Variants in SYTL3 observed in about 807,000 individuals in gnomAD.
SYTL3 encodes the protein synaptotagmin like 3, also known as synaptotagmin-like protein 3.
In SYTL3, 88 loss-of-function variants were observed where a neutral mutation model predicts 82.1. That is an observed-to-expected ratio of 1.07 (90% confidence interval 0.90 to 1.28). The LOEUF is 1.28. Among genes scored for constraint, SYTL3 ranks in the 50% most tolerant of loss-of-function variants. The pLI is 0.00. For synonymous variants in SYTL3, 311 were observed against 289.4 expected (o/e 1.07, Z -0.76); for missense variants, 831 against 757.6 (o/e 1.10, Z -1.14).
intron 10 of SYTL3, among the ~76,000 whole-genome samples, chr6:158,725,097 A>T (rs1471569354): frequency 6.7e-6 from 1 of 150,140 alleles, no homozygotes; most frequent in Non-Finnish European, 1.5e-5. Flanking sequence ...ACATATTTTG[A>T]TTTTTCCCTT....
At chr6:158,696,695 T>C (rs1279855352) in intron 6 of SYTL3, among the ~76,000 whole-genome samples, 1 of 152,082 alleles carries the variant, frequency 6.6e-6, no homozygotes, top group Non-Finnish European at 1.5e-5. Context: ...TTTGCCTTTT[T>C]TTTTAATTGG....
intron 5 of SYTL3, among the ~76,000 whole-genome samples, chr6:158,679,360 AC>A (rs1230272253): frequency 6.6e-6 from 1 of 151,216 alleles, no homozygotes; most frequent in Non-Finnish European, 1.5e-5. Flanking sequence ...ATAGAATGAG[AC>A]CCTGTCTCAA....
intron 11 of SYTL3, among the ~76,000 whole-genome samples, chr6:158,738,082 C>T (rs1786451420): frequency 6.6e-6 from 1 of 152,200 alleles, no homozygotes. Flanking sequence ...TTTCTACCTG[C>T]ACACCAACAG....
chr6:158,757,733 G>A (rs1365501786), intron 14 of SYTL3, among the ~76,000 whole-genome samples: 1 of 152,226 alleles, frequency 6.6e-6, no homozygotes, highest in Non-Finnish European at 1.5e-5. Context: ...ACCGCCCGCA[G>A]CTATGCGGTC....
intron 6 of SYTL3, among the ~76,000 whole-genome samples, chr6:158,704,598 A>G (rs1212435221): frequency 6.6e-6 from 1 of 152,212 alleles, no homozygotes; most frequent in East Asian, 1.9e-4. Flanking sequence ...ATAAGGGACA[A>G]TTGGTTTGCT....
intron 12 of SYTL3, 121 bp downstream of exon 12, chr6:158,745,779 C>T: frequency 1.2e-6 from 1 of 802,842 alleles, no homozygotes; most frequent in Non-Finnish European, 1.9e-6. Context: ...AAAAGGCTTA[C>T]TTCAAGTATT....
intron 13 of SYTL3, among the ~76,000 whole-genome samples, chr6:158,754,448 T>A (rs3127227): frequency 2.0e-5 from 3 of 152,012 alleles, no homozygotes; most frequent in Non-Finnish European, 4.4e-5. Context: ...AGGCTGGGTG[T>A]GGTGGCTCAC....
At chr6:158,763,199 G>A in intron 16 of SYTL3, 105 bp from the exon 17 acceptor site, 2 of 1,080,744 alleles carry the variant, frequency 1.9e-6, no homozygotes, top group Middle Eastern at 2.9e-4. Flanking sequence ...GGATGTTGTG[G>A]ACTTGGCACT....
chr6:158,738,098 C>T (rs983267781), intron 11 of SYTL3, among the ~76,000 whole-genome samples: 2 of 152,202 alleles, frequency 1.3e-5, no homozygotes, highest in African/African-American at 4.8e-5. Context: ...AACAGCTGCA[C>T]ACCCAAGGAG....
chr6:158,734,647 A>C (rs1785895417), intron 11 of SYTL3, among the ~76,000 whole-genome samples: 5 of 145,622 alleles, frequency 3.4e-5, no homozygotes, highest in African/African-American at 1.0e-4. Context: ...CCCCTGCCCC[A>C]CTCCCCCCAC....
At chr6:158,693,839 C>A (rs1780222225) in intron 6 of SYTL3, among the ~76,000 whole-genome samples, 1 of 78,462 alleles carries the variant, frequency 1.3e-5, no homozygotes, top group Non-Finnish European at 2.6e-5. Context: ...CTGCATCCAG[C>A]CTTTCTTTTT....
intron 10 of SYTL3, among the ~76,000 whole-genome samples, chr6:158,721,281 T>C (rs746658923): frequency 6.6e-6 from 1 of 152,014 alleles, no homozygotes; most frequent in East Asian, 1.9e-4. Context: ...AGTGGTGATA[T>C]CGTGGGTCAC....
At chr6:158,736,999 C>A (rs1786261185) in intron 11 of SYTL3, among the ~76,000 whole-genome samples, 1 of 150,070 alleles carries the variant, frequency 6.7e-6, no homozygotes, top group South Asian at 2.1e-4. Context: ...ATTGTTTAAT[C>A]CTATATGTTA....
chr6:158,733,112 TC>T (rs1195608631), intron 11 of SYTL3, among the ~76,000 whole-genome samples: 1 of 152,182 alleles, frequency 6.6e-6, no homozygotes, highest in Non-Finnish European at 1.5e-5. Flanking sequence ...TGCTAATAAC[TC>T]TTTGTTAAGC....
At chr6:158,665,946 C>A (rs1789997715) in intron 5 of SYTL3, among the ~76,000 whole-genome samples, 1 of 151,788 alleles carries the variant, frequency 6.6e-6, no homozygotes, top group African/African-American at 2.4e-5. Context: ...CCCATCTCTA[C>A]AAAAAAATAC....
At chr6:158,718,021 G>A in intron 9 of SYTL3, 66 bp from the exon 10 acceptor site, 1 of 1,429,436 alleles carries the variant, frequency 7.0e-7, no homozygotes, top group Non-Finnish European at 9.2e-7. Context: ...AACCCCAGAA[G>A]AGGCTCCCAC....
intron 11 of SYTL3, among the ~76,000 whole-genome samples, chr6:158,731,027 G>T (rs1459400144): frequency 6.6e-6 from 1 of 152,212 alleles, no homozygotes; most frequent in East Asian, 1.9e-4. Context: ...GCTCACGCCT[G>T]TAATCCCAGC....
At chr6:158,711,203 A>G (rs1029873163) in intron 8 of SYTL3, among the ~76,000 whole-genome samples, 2 of 152,178 alleles carry the variant, frequency 1.3e-5, no homozygotes, top group East Asian at 3.8e-4. Flanking sequence ...AACTTTTACC[A>G]TTCATTATTA....
At position 158,764,644 on chromosome 6, in the gene SYTL3, G is replaced by A. The variant is rs1347616482; in HGVS notation, c.*40G>A. On this transcript the variant is annotated 3_prime_UTR_variant, in exon 18 of 18. Coordinates refer to ENST00000611299, the MANE Select transcript of SYTL3 (RefSeq NM_001242394.2). ...GGTTCCAGGTTGCAGCAGGCGTGAG[G>A]CACTGTGCGTCTGCAGAGGGGCTAC... 2.7e-5 allele frequency: 40 copies of A among 1,465,396 alleles called. No homozygotes were observed. The highest frequency in any genetic ancestry group is 3.4e-5 in the Non-Finnish European group (36 of 1,044,950). 90.8% of individuals were successfully genotyped at this position (1,465,396 alleles called of 1,614,324 possible).
Sources: gnomAD v4.1 joint callset for allele counts (sites outside exome capture counted in the v4.1 genomes callset) on GRCh38, gnomAD v4.1.1 for gene constraint, MANE v1.5 for transcripts, NCBI Gene and HGNC (gene_info 2026-07-23, HGNC 2026-07-21) for gene names.